DOCK10: variants seen among roughly 807,000 people sequenced by gnomAD.
DOCK10 encodes the protein dedicator of cytokinesis protein 10.
DOCK10 carries 145 observed loss-of-function variants against 280.1 expected under a neutral mutation model. That is an observed-to-expected ratio of 0.52 (90% CI 0.45 to 0.59). The LOEUF (loss-of-function observed/expected upper bound fraction) is 0.59. Ranked by LOEUF, DOCK10 falls within the 20% of genes least tolerant of loss-of-function variation. DOCK10 has a pLI of 0.00. For missense variants in DOCK10, 2,368 were observed against 2,651.7 expected (o/e 0.89, Z 2.35); for synonymous variants, 915 against 942.2 (o/e 0.97, Z 0.53).
intron 26 of DOCK10, among the ~76,000 whole-genome samples, chr2:224,831,100 C>G (rs1050820860): frequency 6.6e-6 from 1 of 151,924 alleles, no homozygotes; most frequent in Admixed American, 6.6e-5. Context: ...GCCCAGCTAA[C>G]TTTTTGTGTT....
Position 224,852,993 on chromosome 2 carries a change from T to G in DOCK10, c.2018A>C (p.Asn673Thr), listed in dbSNP as rs754967232. 1 of 1,610,556 alleles carries G rather than the reference T, an allele frequency of 6.2e-7. No homozygotes were observed. Among genetic ancestry groups the G allele is most frequent in the Non-Finnish European group, 8.5e-7 (1 of 1,177,804 alleles). Residue 673 changes from asparagine (N) to threonine (T), a missense_variant, in exon 17 of 56, where the codon AAT becomes ACT. Physicochemically the swap from Asn to Thr is moderately conservative, Grantham distance 65 (BLOSUM62 0). Transcript: ENST00000258390. ...GTGTTTGGGGTAAATATAAATTTGA[T>G]TTTTATATACTCTGTAAGGCCGACA... ...KYCRPYRVYK[N>T]QIYIYPKHLK...
chr2:224,871,286 G>T (rs181636467), intron 11 of DOCK10, among the ~76,000 whole-genome samples: 55 of 151,900 alleles, frequency 3.6e-4, no homozygotes, highest in Admixed American at 3.4e-3. Context: ...GTGTAAAACC[G>T]TCCAAAACAA....
intron 2 of DOCK10, among the ~76,000 whole-genome samples, chr2:224,921,295 G>A (rs1281762196): frequency 6.7e-6 from 1 of 150,046 alleles, no homozygotes; most frequent in African/African-American, 2.5e-5. Context: ...GGCAACAACA[G>A]CAAAACTCCA....
At chr2:224,894,547 G>A (rs1575012156) in intron 4 of DOCK10, among the ~76,000 whole-genome samples, 1 of 152,310 alleles carries the variant, frequency 6.6e-6, no homozygotes, top group East Asian at 1.9e-4. Context: ...TTGCTTTTCA[G>A]TTGTGCCTAC....
chr2:224,816,504 CAA>C, intron 30 of DOCK10, 111 bp downstream of exon 30: 1 of 732,154 alleles, frequency 1.4e-6, no homozygotes, highest in South Asian at 1.7e-5. Flanking sequence ...GTGACAGCTT[CAA>C]ACAAAATTAT....
At chr2:224,785,230 G>A (rs548432086) in intron 50 of DOCK10, among the ~76,000 whole-genome samples, 160 of 151,400 alleles carry the variant, frequency 1.1e-3, no homozygotes, top group Non-Finnish European at 2.0e-3. Context: ...CTCTCCCAAT[G>A]TGTGTTCTCA....
Position 225,042,235 on chromosome 2 carries a change from G to A in DOCK10, c.123+17C>T. 6.4e-6 allele frequency: 8 copies of A among 1,250,746 alleles called. No individual in the cohort carries two copies. Among genetic ancestry groups the A allele is most frequent in the South Asian group, 3.2e-5 (1 of 31,636 alleles). 77.5% of individuals were successfully genotyped at this position (1,250,746 alleles called of 1,614,324 possible). A position where few individuals can be genotyped will look rare whatever the true frequency, so the allele number is the denominator to read the frequency against. On this transcript the variant is annotated intron_variant, in intron 1 of 55. Transcript: ENST00000258390. This position sits in a 1 kb window ranked among gnomAD's most constrained non-coding sequence, Gnocchi z 5.1. ...CCTGGGGCGCGCGGGAAGGCGCGGAGGACGCGCCGCACTCACCCGCTGCTG... is the reference window on the plus strand; with the variant it reads ...CCTGGGGCGCGCGGGAAGGCGCGGAAGACGCGCCGCACTCACCCGCTGCTG...
At chr2:224,948,917 C>A (rs1703576138) in intron 1 of DOCK10, among the ~76,000 whole-genome samples, 1 of 152,208 alleles carries the variant, frequency 6.6e-6, no homozygotes, top group East Asian at 1.9e-4. Context: ...GTCCTCTATT[C>A]CTCTTTAGGC....
intron 1 of DOCK10, among the ~76,000 whole-genome samples, chr2:224,997,957 G>A (rs1316007738): frequency 6.6e-6 from 1 of 152,138 alleles, no homozygotes; most frequent in Non-Finnish European, 1.5e-5. Flanking sequence ...TGTAGGCATG[G>A]AGATATAAAC....
intron 55 of DOCK10, among the ~76,000 whole-genome samples, chr2:224,768,228 T>C (rs1404245657): frequency 6.6e-6 from 1 of 152,190 alleles, no homozygotes; most frequent in African/African-American, 2.4e-5. Context: ...TTTCTATTTT[T>C]AAGTGTTCAA....
At position 224,885,870 on chromosome 2, in the gene DOCK10, G is replaced by C. The variant is rs144068541; in HGVS notation, c.613-65C>G. On this transcript the variant is annotated intron_variant, in intron 6 of 55. Transcript: ENST00000258390. Reference sequence around the variant, plus strand: ...AATGTGCTATTACTCATAGAAATTAGAATTATTCTAATTCCTTCAGGAGTG... The same window carrying C: ...AATGTGCTATTACTCATAGAAATTACAATTATTCTAATTCCTTCAGGAGTG... 1,281 of 1,563,990 alleles carry C rather than the reference G, an allele frequency of 8.2e-4. 3 individuals carry two copies. In the African/African-American group the frequency reaches 0.015, roughly 19 times the overall value.
intron 1 of DOCK10, among the ~76,000 whole-genome samples, chr2:225,035,827 G>A (rs1023125793): frequency 6.6e-6 from 1 of 151,084 alleles, no homozygotes; most frequent in Non-Finnish European, 1.5e-5. Context: ...GCTCGTAGTT[G>A]GCCGCCTTCT....
chr2:224,861,955 G>A (rs1421660080), intron 14 of DOCK10: 1 of 152,150 alleles, frequency 6.6e-6, no homozygotes, highest in African/African-American at 2.4e-5. Flanking sequence ...TTAGCCTTAT[G>A]AGTCTATGCC....
At position 224,765,752 on chromosome 2, in the gene DOCK10, G is replaced by T; in HGVS notation, c.6530C>A (p.Thr2177Lys). The T allele has an allele frequency of 6.2e-7, 1 of 1,613,846 alleles. No homozygotes were observed. The highest frequency in any genetic ancestry group is 2.2e-5 in the East Asian group (1 of 44,886). ...VISKATPALPTVSISSSAEV is the reference protein window; with the variant it reads ...VISKATPALPKVSISSSAEV ...TTCAGCACTAGATGAGATGGAGACC[G>T]TGGGTAGGGCCGGAGTTGCTTTGCT... is the stretch of plus-strand genomic sequence containing the variant. The change falls in exon 56 of 56, where the codon ACG (threonine) becomes AAG (lysine). Residue 2177 changes from threonine to lysine, a missense_variant. Transcript: ENST00000258390.
chr2:224,835,135 G>A (rs1301407931), intron 25 of DOCK10, among the ~76,000 whole-genome samples: 2 of 152,152 alleles, frequency 1.3e-5, no homozygotes. Flanking sequence ...GTCATGGTGG[G>A]ATTTGACTTC....
intron 4 of DOCK10, among the ~76,000 whole-genome samples, chr2:224,891,097 G>A (rs543438654): frequency 6.6e-6 from 1 of 152,234 alleles, no homozygotes; most frequent in South Asian, 2.1e-4. Context: ...ATGGATGGAT[G>A]GATGGGTGGA....
chr2:224,934,599 C>T (rs892952738), intron 1 of DOCK10, among the ~76,000 whole-genome samples: 3 of 152,202 alleles, frequency 2.0e-5, no homozygotes, highest in Admixed American at 6.5e-5. Flanking sequence ...AGGGAGCTGC[C>T]TGCTCCCTTC....
intron 1 of DOCK10, among the ~76,000 whole-genome samples, chr2:224,952,048 A>AAAAAAAAGCTGT (rs2126125316): frequency 6.6e-6 from 1 of 152,250 alleles, no homozygotes; most frequent in Non-Finnish European, 1.5e-5. Flanking sequence ...CCAGGGAAAA[A>AAAAAAAAGCTGT]AGCCTTGGCT....
At chr2:224,840,882 G>C (rs1695916506) in intron 23 of DOCK10, among the ~76,000 whole-genome samples, 3 of 152,094 alleles carry the variant, frequency 2.0e-5, no homozygotes, top group Admixed American at 2.0e-4. Context: ...CGATGAAATG[G>C]GTAAAGAAAA....
Sources: gnomAD v4.1 joint callset for allele counts (sites outside exome capture counted in the v4.1 genomes callset) on GRCh38, gnomAD v4.1.1 for gene constraint, Gnocchi (gnomAD v3.1) non-coding constraint, MANE v1.5 for transcripts, NCBI Gene and HGNC (gene_info 2026-07-23, HGNC 2026-07-21) for gene names.